Variants in ZFHX3 observed in about 807,000 individuals in gnomAD.
The protein encoded by ZFHX3 is zinc finger homeobox 3, also known as zinc finger homeobox protein 3.
In ZFHX3, 42 loss-of-function variants were observed where a neutral mutation model predicts 279.1. The ratio of observed to expected loss-of-function variants is 0.15; its 90% confidence interval spans 0.12 to 0.19. The LOEUF (loss-of-function observed/expected upper bound fraction) is 0.19. Among genes scored for constraint, ZFHX3 ranks in the 10% least tolerant of loss-of-function variants. The pLI is 1.00. For synonymous variants in ZFHX3, 2,293 were observed against 1,957.8 expected (o/e 1.17, Z -4.52); for missense variants, 4,981 against 4,754.0 (o/e 1.05, Z -1.40).
chr16:73,718,698 C>T (rs1330592822), intron 1 of ZFHX3, among the ~76,000 whole-genome samples: 1 of 151,758 alleles, frequency 6.6e-6, no homozygotes, highest in Non-Finnish European at 1.5e-5. Flanking sequence ...TCACTGCAAC[C>T]TCCACCTCCT....
At chr16:73,105,436 C>CACACACATATATATATATATAT (rs1567389916) in intron 7 of ZFHX3, among the ~76,000 whole-genome samples, 1 of 83,954 alleles carries the variant, frequency 1.2e-5, no homozygotes, top group Non-Finnish European at 2.4e-5. Flanking sequence ...TATATATACA[C>CACACACATATATATATATATAT]ACACACACAT....
At chr16:73,102,060 C>T (rs187203967) in intron 7 of ZFHX3, among the ~76,000 whole-genome samples, 3,998 of 151,748 alleles carry the variant, frequency 0.026, 67 homozygotes, top group Non-Finnish European at 0.041. Context: ...ATTACAGGCA[C>T]CTGCCACTGC....
At chr16:73,422,336 G>A (rs1597329574) in intron 3 of ZFHX3, among the ~76,000 whole-genome samples, 1 of 152,118 alleles carries the variant, frequency 6.6e-6, no homozygotes, top group East Asian at 1.9e-4. Flanking sequence ...TTTGGAGGTT[G>A]GCAATAAAAT....
intron 4 of ZFHX3, among the ~76,000 whole-genome samples, chr16:73,305,128 C>T (rs1351925798): frequency 6.6e-6 from 1 of 151,974 alleles, no homozygotes; most frequent in Admixed American, 6.5e-5. Flanking sequence ...AGAGAAAGAG[C>T]CAAGCTCACC....
intron 1 of ZFHX3, among the ~76,000 whole-genome samples, chr16:73,683,332 G>A (rs2053046407): frequency 6.6e-6 from 1 of 152,170 alleles, no homozygotes; most frequent in South Asian, 2.1e-4. Flanking sequence ...GGGCAGTCAG[G>A]TTGGTAACTA....
At chr16:73,326,149 G>A (rs1033689545) in intron 3 of ZFHX3, among the ~76,000 whole-genome samples, 5 of 152,184 alleles carry the variant, frequency 3.3e-5, no homozygotes, top group African/African-American at 1.2e-4. Flanking sequence ...AGGGTCTGCA[G>A]TATTGACAAA....
intron 3 of ZFHX3, among the ~76,000 whole-genome samples, chr16:73,380,337 A>T (rs1597309405): frequency 6.6e-6 from 1 of 152,216 alleles, no homozygotes; most frequent in African/African-American, 2.4e-5. Context: ...AAAAAATAAG[A>T]ACAGAGGGAA....
At chr16:73,679,943 A>G (rs2052993400) in intron 2 of ZFHX3, 1 of 152,222 alleles carries the variant, frequency 6.6e-6, no homozygotes, top group African/African-American at 2.4e-5. Flanking sequence ...CAATGTGCAG[A>G]GGATATCAGA....
intron 5 of ZFHX3, among the ~76,000 whole-genome samples, chr16:73,245,832 G>A (rs917125495): frequency 1.3e-5 from 2 of 152,156 alleles, no homozygotes; most frequent in African/African-American, 4.8e-5. Context: ...AGAAGTGAAA[G>A]CGTAAGAGTA....
intron 7 of ZFHX3, among the ~76,000 whole-genome samples, chr16:72,804,520 A>G (rs1436331822): frequency 6.6e-6 from 1 of 152,188 alleles, no homozygotes; most frequent in Non-Finnish European, 1.5e-5. Context: ...CCCTTGATCT[A>G]CTAGGAGAGG....
At position 73,001,344 on chromosome 16, in the gene ZFHX3, G is replaced by A. The variant is rs538927130; in HGVS notation, c.-49-41150C>T. The stretch of plus-strand genomic sequence containing the variant: ...CAGTCAAGTCTTCAGATGAGACCAC[G>A]GCCCCAGGTAAACACTTTGACCTTG... On this transcript the variant is annotated intron_variant, in intron 1 of 9. Coordinates refer to ENST00000268489, the MANE Select transcript of ZFHX3 (RefSeq NM_006885.4). Among the ~76,000 whole-genome samples the A allele has an allele frequency of 3.9e-5, 6 of 152,268 alleles. No individual in the cohort carries two copies. The East Asian group carries it at 5.8e-4, about 15-fold the overall frequency.
chr16:73,788,270 C>T (rs1312000967), intron 1 of ZFHX3, among the ~76,000 whole-genome samples: 1 of 152,100 alleles, frequency 6.6e-6, no homozygotes, highest in South Asian at 2.1e-4. Context: ...TCTTATTGGA[C>T]AAACCAAAGT....
intron 2 of ZFHX3, among the ~76,000 whole-genome samples, chr16:73,653,385 G>A (rs1464958393): frequency 1.3e-5 from 2 of 152,058 alleles, no homozygotes; most frequent in Admixed American, 1.3e-4. Context: ...ATTATACAGA[G>A]CATTTTCTCT....
At chr16:73,816,247 A>G (rs1960568643) in intron 1 of ZFHX3, among the ~76,000 whole-genome samples, 1 of 152,206 alleles carries the variant, frequency 6.6e-6, no homozygotes, top group Admixed American at 6.5e-5. Context: ...TTTAAAATCT[A>G]GTTGTGAAGA....
At chr16:72,920,401 C>G (rs1056021968) in intron 3 of ZFHX3, among the ~76,000 whole-genome samples, 3 of 152,106 alleles carry the variant, frequency 2.0e-5, no homozygotes, top group Admixed American at 6.6e-5. Flanking sequence ...AACACACCAA[C>G]CAGGTGCAGT....
intron 1 of ZFHX3, among the ~76,000 whole-genome samples, chr16:73,728,926 G>T (rs908021921): frequency 6.6e-6 from 1 of 151,868 alleles, no homozygotes; most frequent in African/African-American, 2.4e-5. Context: ...ATATTTCCAT[G>T]TGGCACCCAG....
chr16:72,787,991 G>A lies in ZFHX3; in HGVS notation c.10285C>T (p.Arg3429Cys), dbSNP rs529936440. The A allele has an allele frequency of 6.9e-5, 111 of 1,613,630 alleles. No homozygotes were observed. Among genetic ancestry groups the A allele is most frequent in the South Asian group, 6.7e-4 (61 of 91,046 alleles). Reference protein sequence around the residue: ...PKPEEQKNTPREVSPLLPKLP... With the variant: ...PKPEEQKNTPCEVSPLLPKLP... ...TTCGGCAGGAGGGGGGACACCTCAC[G>A]GGGGGTGTTTTTCTGTTCTTCTGGT... The change falls in exon 10 of 10, where the codon CGT (arginine) becomes TGT (cysteine). Residue 3429 changes from arginine (R) to cysteine (C), a missense_variant. By Grantham distance (180) the Arg-to-Cys change is radical. Transcript: ENST00000268489.
At chr16:72,849,174 G>C (rs759278636) in intron 4 of ZFHX3, among the ~76,000 whole-genome samples, 4 of 152,208 alleles carry the variant, frequency 2.6e-5, no homozygotes, top group Non-Finnish European at 5.9e-5. Flanking sequence ...CACTGACGGA[G>C]AGTGTCCCTG....
chr16:73,109,433 C>A lies in ZFHX3; in HGVS notation c.-896-15835G>T, dbSNP rs191033696. On this transcript the variant is annotated intron_variant, in intron 7 of 17. Transcript: ENST00000641206. ...ATTGAACATTTTGGCCATCTCCACC[C>A]GTTTCTTGGTATCACAAATAAAGCT... Among the ~76,000 whole-genome samples, 15 of 152,266 alleles carry A rather than the reference C, an allele frequency of 9.9e-5. No homozygotes were observed. In the East Asian group the frequency reaches 1.5e-3, roughly 16 times the overall value.
Sources: allele counts gnomAD v4.1 joint callset (sites outside exome capture counted in the v4.1 genomes callset), GRCh38; gene constraint gnomAD v4.1.1; transcripts MANE v1.5; gene names NCBI Gene and HGNC (gene_info 2026-07-23, HGNC 2026-07-21).